LRRC4C: variants seen among roughly 807,000 people sequenced by gnomAD.
The protein encoded by LRRC4C is leucine rich repeat containing 4C.
Under a neutral mutation model 33.6 loss-of-function variants are expected in LRRC4C, and 5 were observed. The ratio of observed to expected loss-of-function variants is 0.15; its 90% confidence interval spans 0.08 to 0.31. The LOEUF (loss-of-function observed/expected upper bound fraction) is 0.31, where lower values mean the gene tolerates loss of function less well. LRRC4C is among the 10% of genes least tolerant of loss of function. LRRC4C has a pLI of 1.00. For synonymous variants in LRRC4C, 329 were observed against 302.0 expected (o/e 1.09, Z -0.93); for missense variants, 560 against 796.7 (o/e 0.70, Z 3.58).
intron 2 of LRRC4C, among the ~76,000 whole-genome samples, chr11:40,914,875 A>T (rs1048923987): frequency 1.3e-5 from 2 of 152,202 alleles, no homozygotes; most frequent in African/African-American, 4.8e-5. Context: ...ATCAATGTAC[A>T]AAAATCACAA....
At chr11:40,951,006 A>T (rs1958668014) in intron 1 of LRRC4C, among the ~76,000 whole-genome samples, 1 of 151,954 alleles carries the variant, frequency 6.6e-6, no homozygotes. Flanking sequence ...TCAGTACACG[A>T]TGCACCCAGA....
At chr11:40,342,294 C>A (rs888087393) in intron 3 of LRRC4C, among the ~76,000 whole-genome samples, 1 of 152,004 alleles carries the variant, frequency 6.6e-6, no homozygotes, top group Non-Finnish European at 1.5e-5. Flanking sequence ...CATGGTGAAA[C>A]CCATTTCTAC....
chr11:41,323,227 G>A (rs1422523624), intron 1 of LRRC4C, among the ~76,000 whole-genome samples: 1 of 152,030 alleles, frequency 6.6e-6, no homozygotes, highest in African/African-American at 2.4e-5. Flanking sequence ...ACCACTGAAT[G>A]TTACATCAGT....
intron 1 of LRRC4C, among the ~76,000 whole-genome samples, chr11:40,994,785 G>A (rs1300429174): frequency 7.0e-6 from 1 of 142,824 alleles, no homozygotes; most frequent in Non-Finnish European, 1.5e-5. Context: ...TTTCTTTACT[G>A]TCTCTTTAAG....
chr11:40,250,912 A>G (rs546439276), intron 4 of LRRC4C, among the ~76,000 whole-genome samples: 2 of 152,178 alleles, frequency 1.3e-5, no homozygotes, highest in Non-Finnish European at 2.9e-5. Context: ...TCGCCTCAGT[A>G]GTGAAATGTG....
intron 4 of LRRC4C, among the ~76,000 whole-genome samples, chr11:40,280,940 T>G (rs1280416434): frequency 3.9e-5 from 6 of 152,074 alleles, no homozygotes; most frequent in African/African-American, 1.4e-4. Flanking sequence ...AGCGACCTTT[T>G]GGAGTTGGAA....
intron 2 of LRRC4C, among the ~76,000 whole-genome samples, chr11:40,762,973 G>A (rs1374243549): frequency 6.6e-6 from 1 of 151,006 alleles, no homozygotes. Context: ...ATATTAACAG[G>A]GCAAAAGGGC....
At chr11:41,252,119 T>C (rs1948658564) in intron 1 of LRRC4C, among the ~76,000 whole-genome samples, 1 of 152,176 alleles carries the variant, frequency 6.6e-6, no homozygotes, top group South Asian at 2.1e-4. Context: ...AGAAAAGCTT[T>C]ATTCAAGACA....
chr11:40,510,657 G>T (rs1955267817), intron 3 of LRRC4C, among the ~76,000 whole-genome samples: 1 of 152,120 alleles, frequency 6.6e-6, no homozygotes, highest in Non-Finnish European at 1.5e-5. Context: ...TGTGATCAGA[G>T]GTCTCAAATA....
intron 5 of LRRC4C, among the ~76,000 whole-genome samples, chr11:40,226,615 C>T (rs1375421352): frequency 3.9e-5 from 6 of 152,136 alleles, no homozygotes; most frequent in Non-Finnish European, 8.8e-5. Context: ...AAATCTAGAA[C>T]ATCAATAGTG....
At chr11:40,189,217 C>T (rs937065594) in intron 5 of LRRC4C, among the ~76,000 whole-genome samples, 9 of 151,524 alleles carry the variant, frequency 5.9e-5, no homozygotes, top group Non-Finnish European at 1.3e-4. Flanking sequence ...TCCTTTATTT[C>T]CCCTTTTAAT....
chr11:41,415,877 C>T (rs755543708), intron 1 of LRRC4C, among the ~76,000 whole-genome samples: 1 of 152,076 alleles, frequency 6.6e-6, no homozygotes, highest in Non-Finnish European at 1.5e-5. Flanking sequence ...TGCTTTTGAG[C>T]TCTTTCTGTG....
intron 1 of LRRC4C, among the ~76,000 whole-genome samples, chr11:41,140,700 G>T (rs538419855): frequency 3.3e-5 from 5 of 152,160 alleles, no homozygotes; most frequent in South Asian, 2.1e-4. Flanking sequence ...TAAAAGAAAA[G>T]CTCCTTTCTG....
At chr11:41,105,688 G>C (rs1008218186) in intron 1 of LRRC4C, among the ~76,000 whole-genome samples, 7 of 152,054 alleles carry the variant, frequency 4.6e-5, no homozygotes, top group African/African-American at 1.7e-4. Flanking sequence ...AGTGGCATCA[G>C]ACTGAGAAGC....
chr11:40,137,330 C>T (rs896581580), intron 6 of LRRC4C, among the ~76,000 whole-genome samples: 2 of 152,094 alleles, frequency 1.3e-5, no homozygotes, highest in African/African-American at 4.8e-5. Flanking sequence ...TGATTGATAC[C>T]TGGATTTTTA....
At chr11:40,846,689 G>A (rs1454445011) in intron 2 of LRRC4C, among the ~76,000 whole-genome samples, 2 of 151,986 alleles carry the variant, frequency 1.3e-5, no homozygotes, top group Admixed American at 6.6e-5. Context: ...ATCTAATTCT[G>A]TGAAGAAAGT....
chr11:41,373,391 G>A lies in LRRC4C; in HGVS notation c.-496+86040C>T, dbSNP rs561043707. Among the ~76,000 whole-genome samples, 81 of 152,168 alleles carry A rather than the reference G, an allele frequency of 5.3e-4. 1 individual carries two copies. The South Asian group carries it at 0.015, about 29-fold the overall frequency. On this transcript the variant is annotated intron_variant, in intron 1 of 6. Coordinates refer to ENST00000528697, the MANE Select transcript of LRRC4C (RefSeq NM_001258419.2). ...ATACATACTTACACATCTAAATGTA[G>A]TACATTGTAAAACTGTCAGTTAAAT...
intron 3 of LRRC4C, among the ~76,000 whole-genome samples, chr11:40,601,536 G>T (rs1959991092): frequency 6.6e-6 from 1 of 152,196 alleles, no homozygotes; most frequent in Non-Finnish European, 1.5e-5. Context: ...AGGAAAAAAA[G>T]TGGCCAGGTG....
chr11:40,922,267 T>G (rs1319730680), intron 2 of LRRC4C, among the ~76,000 whole-genome samples: 1 of 152,144 alleles, frequency 6.6e-6, no homozygotes, highest in South Asian at 2.1e-4. Context: ...TTCCTGAAAA[T>G]GTATTATACT....
Sources: allele counts gnomAD v4.1 joint callset (sites outside exome capture counted in the v4.1 genomes callset), GRCh38; gene constraint gnomAD v4.1.1; transcripts MANE v1.5; gene names NCBI Gene and HGNC (gene_info 2026-07-23, HGNC 2026-07-21).